Variants in RELN observed in about 807,000 individuals in gnomAD.
The protein encoded by RELN is reelin.
In RELN, 108 loss-of-function variants were observed where a neutral mutation model predicts 427.6. The observed-to-expected ratio is 0.25, with a 90% confidence interval of 0.22 to 0.30. RELN has a LOEUF of 0.30. Among genes scored for constraint, RELN ranks in the 10% least tolerant of loss-of-function variants. The pLI is 1.00. For missense variants in RELN, 3,715 were observed against 4,302.8 expected, an observed-to-expected ratio of 0.86 and a Z score of 3.82; for synonymous variants, 1,524 against 1,513.4, an observed-to-expected ratio of 1.01 and a Z score of -0.16.
intron 20 of RELN, among the ~76,000 whole-genome samples, chr7:103,612,599 A>C (rs1183551833): frequency 6.6e-6 from 1 of 152,124 alleles, no homozygotes; most frequent in Non-Finnish European, 1.5e-5. Flanking sequence ...AAAAGCCATA[A>C]AATTATGCAT....
At chr7:103,717,632 T>C (rs713080) in intron 8 of RELN, among the ~76,000 whole-genome samples, 36,136 of 151,974 alleles carry the variant, frequency 0.24, 4,486 homozygotes, top group South Asian at 0.38. Flanking sequence ...GCCATTAAAA[T>C]TTTCTAATGT....
intron 20 of RELN, among the ~76,000 whole-genome samples, chr7:103,614,128 A>C (rs751934859): frequency 6.6e-6 from 1 of 152,252 alleles, no homozygotes; most frequent in Non-Finnish European, 1.5e-5. Context: ...AAACAAGATA[A>C]AAATTACGTA....
chr7:103,844,565 T>A (rs917835388), intron 2 of RELN, among the ~76,000 whole-genome samples: 1 of 152,208 alleles, frequency 6.6e-6, no homozygotes, highest in African/African-American at 2.4e-5. Flanking sequence ...TTAAAGGGGT[T>A]AAGTAAGTTG....
chr7:103,888,278 T>A (rs1221494717), intron 2 of RELN, among the ~76,000 whole-genome samples: 1 of 150,728 alleles, frequency 6.6e-6, no homozygotes, highest in East Asian at 1.9e-4. Context: ...GAACCTGAAA[T>A]CAAGTAAGTA....
At chr7:103,955,959 C>T (rs908862978) in intron 1 of RELN, among the ~76,000 whole-genome samples, 4 of 152,162 alleles carry the variant, frequency 2.6e-5, no homozygotes, top group African/African-American at 9.7e-5. Context: ...CTGCAGCTTC[C>T]ATTCTTTCTA....
At chr7:103,776,213 T>TC (rs1339724914) in intron 4 of RELN, among the ~76,000 whole-genome samples, 1 of 152,166 alleles carries the variant, frequency 6.6e-6, no homozygotes, top group Non-Finnish European at 1.5e-5. Flanking sequence ...TCAGAAACAT[T>TC]TTCAACAAAG....
chr7:103,473,542 A>G lies in RELN; in HGVS notation c.10287-634T>C, dbSNP rs1827929312. The stretch of plus-strand genomic sequence containing the variant: ...CCTTAGGAAAGAGACACTCCACTGA[A>G]AAGAGGTCATAAAATACTAAGAAAG... On this transcript the variant is annotated intron_variant, in intron 64 of 64. Coordinates refer to ENST00000428762, the MANE Select transcript of RELN (RefSeq NM_005045.4). Among the ~76,000 whole-genome samples, 9 of 152,340 alleles carry G rather than the reference A, an allele frequency of 5.9e-5. No homozygotes were observed. The South Asian group carries it at 1.9e-3, about 32-fold the overall frequency.
chr7:103,833,791 C>A, intron 2 of RELN, 119 bp from the exon 3 acceptor site: 1 of 950,338 alleles, frequency 1.1e-6, no homozygotes. Context: ...TATTTGGCTT[C>A]CCAATAAGTT....
At chr7:103,488,277 A>G (rs1828516981) in intron 60 of RELN, among the ~76,000 whole-genome samples, 1 of 152,258 alleles carries the variant, frequency 6.6e-6, no homozygotes, top group South Asian at 2.1e-4. Flanking sequence ...GCAAACGTGT[A>G]TGTGCTTGCA....
At chr7:103,811,418 T>A (rs1792741262) in intron 3 of RELN, among the ~76,000 whole-genome samples, 1 of 152,186 alleles carries the variant, frequency 6.6e-6, no homozygotes, top group Non-Finnish European at 1.5e-5. Context: ...GATTGGTGCA[T>A]CTTATGAATT....
intron 2 of RELN, 45 bp from the exon 3 acceptor site, chr7:103,833,717 G>T: frequency 6.4e-7 from 1 of 1,569,420 alleles, no homozygotes; most frequent in Non-Finnish European, 8.7e-7. Flanking sequence ...ACAAAACAAA[G>T]ATCTTCCTAT....
intron 46 of RELN, among the ~76,000 whole-genome samples, 173 bp downstream of exon 46, chr7:103,535,143 A>C (rs1830020469): frequency 6.6e-6 from 1 of 152,220 alleles, no homozygotes; most frequent in South Asian, 2.1e-4. Flanking sequence ...TGCCATGATA[A>C]AAACTGGTTT....
chr7:103,813,934 AT>A (rs1166162454), intron 3 of RELN, among the ~76,000 whole-genome samples: 1 of 152,056 alleles, frequency 6.6e-6, no homozygotes, highest in Non-Finnish European at 1.5e-5. Context: ...CTATTAATCA[AT>A]TTATTAACCA....
intron 64 of RELN, among the ~76,000 whole-genome samples, chr7:103,475,623 T>C (rs1163596185): frequency 6.6e-6 from 1 of 152,204 alleles, no homozygotes. Context: ...GCAACCTAGA[T>C]TGACATGAAA....
intron 26 of RELN, 40 bp from the exon 27 acceptor site, chr7:103,593,922 T>A (rs377508744): frequency 6.7e-7 from 1 of 1,484,632 alleles, no homozygotes; most frequent in South Asian, 1.1e-5. Flanking sequence ...GGCAATTTGA[T>A]AGCTTTGAAA....
intron 3 of RELN, among the ~76,000 whole-genome samples, chr7:103,792,523 T>C (rs1792190304): frequency 7.7e-6 from 1 of 130,144 alleles, no homozygotes; most frequent in Admixed American, 8.0e-5. Context: ...TAGGCAATTC[T>C]ATAGCGACAG....
At position 103,563,009 on chromosome 7, in the gene RELN, C is replaced by G. The variant is rs1461921710; in HGVS notation, c.5211-1056G>C. On this transcript the variant is annotated intron_variant, in intron 34 of 64. Transcript: ENST00000428762. This position sits in a 1 kb window ranked among gnomAD's most constrained non-coding sequence, Gnocchi z 4.1. ...TGGATTTTGTTCTGGCTTATGCCAG[C>G]ACAAATGCCCTTTTGCTCCCCTCTT... Among the ~76,000 whole-genome samples, 1 of 152,170 alleles carries G rather than the reference C, an allele frequency of 6.6e-6. No homozygotes were observed. Among genetic ancestry groups the G allele is most frequent in the East Asian group, 1.9e-4 (1 of 5,196 alleles).
At chr7:103,660,086 T>C (rs943831701) in intron 12 of RELN, among the ~76,000 whole-genome samples, 6 of 152,176 alleles carry the variant, frequency 3.9e-5, no homozygotes, top group Non-Finnish European at 7.3e-5. Flanking sequence ...AAGGAACTTA[T>C]ATAATGATGA....
chr7:103,750,461 G>T (rs376296471), intron 5 of RELN, among the ~76,000 whole-genome samples: 1 of 152,114 alleles, frequency 6.6e-6, no homozygotes, highest in African/African-American at 2.4e-5. Context: ...CCAGTCTTGG[G>T]TATGTCTTTA....
Sources: allele counts gnomAD v4.1 joint callset (sites outside exome capture counted in the v4.1 genomes callset), GRCh38; gene constraint gnomAD v4.1.1; non-coding constraint Gnocchi (gnomAD v3.1); transcripts MANE v1.5; gene names NCBI Gene and HGNC (gene_info 2026-07-23, HGNC 2026-07-21).